The following H2BC4 variants were observed in gnomAD, a reference collection of about 807,000 sequenced individuals.
H2BC4 encodes H2B clustered histone 4.
In H2BC4, 10 loss-of-function variants were observed where a neutral mutation model predicts 6.2. The ratio of observed to expected loss-of-function variants is 1.61; its 90% confidence interval spans 0.99 to 2.73. The LOEUF (loss-of-function observed/expected upper bound fraction) is 2.73. Ranked by LOEUF, H2BC4 falls within the 30% of genes most tolerant of loss-of-function variation. The probability of loss-of-function intolerance (pLI) is 0.00; values close to 1 mark genes in which losing one functional copy is unlikely to be tolerated. For synonymous variants in H2BC4, 146 were observed against 70.7 expected (o/e 2.07, Z -5.35); for missense variants, 176 against 168.7 (o/e 1.04, Z -0.24).
At position 26,115,349 on chromosome 6, in the gene H2BC4, C is replaced by T. The variant is rs113427397; in HGVS notation, c.*10-214G>A. 2.9e-3 allele frequency among the ~76,000 whole-genome samples: 435 copies of T among 152,212 alleles called. 5 individuals carry two copies. Among genetic ancestry groups the T allele is most frequent in the African/African-American group, 1.0e-2 (414 of 41,538 alleles). On this transcript the variant is annotated intron_variant, in intron 1 of 1. Transcript: ENST00000314332. ...GAGATACCTACTGTCATTCTCCCTG[C>T]GTTATAGATGAGGAAATTAAGGCAC...
rs1763558187 is a variant in H2BC4, at chr6:26,123,794, ACT to A, written c.109_110del (p.Ser37LeufsTer31). 2 of 1,613,898 alleles carry A rather than the reference ACT, an allele frequency of 1.2e-6. No individual in the cohort carries two copies. The highest frequency in any genetic ancestry group is 1.7e-6 in the Non-Finnish European group (2 of 1,179,950). On this transcript the variant is annotated frameshift_variant, in exon 1 of 1. Transcript: ENST00000396984. LOFTEE classifies it high-confidence loss of function. ...GKKRKRSRKE[S>X]YSVYVYKVLK... ...GCACCTTGTACACGTACACAGAGTA[ACT>A]CTCCTTGCGGCTGCGCTTGCGCTTC...
At chr6:26,120,170 A>AAGAT (rs1444077893), downstream of H2BC4, among the ~76,000 whole-genome samples, 1 of 152,234 alleles carries the variant, frequency 6.6e-6, no homozygotes, top group African/African-American at 2.4e-5. Context: ...TTCATAAAAT[A>AAGAT]AGATAGTCTT....
At chr6:26,118,045 T>A (rs1351268382) in intron 1 of H2BC4, among the ~76,000 whole-genome samples, 1 of 152,220 alleles carries the variant, frequency 6.6e-6, no homozygotes, top group Non-Finnish European at 1.5e-5. Context: ...CTTCACGATT[T>A]CTGGCACCAG....
Position 26,123,604 on chromosome 6 carries a change from G to A in H2BC4, c.301C>T (p.Leu101=). ...TTGGCCAGCTCTCCGGGAAGCAGCA[G>A]GCGCACGGCCGTCTGGATCTCCCTG... ...TSREIQTAVR[L]LLPGELAKHA... is the part of the protein sequence containing the mutation. The change falls in exon 1 of 1, where the codon CTG becomes TTG. Residue 101 remains leucine, a synonymous_variant. Transcript: ENST00000396984. 1 of 1,614,276 alleles carries A rather than the reference G, an allele frequency of 6.2e-7. No homozygotes were observed. Among genetic ancestry groups the A allele is most frequent in the Non-Finnish European group, 8.5e-7 (1 of 1,180,048 alleles).
Position 26,123,717 on chromosome 6 carries a change from A to G in H2BC4, c.188T>C (p.Met63Thr). The G allele has an allele frequency of 1.2e-6, 2 of 1,614,266 alleles. No individual in the cohort carries two copies. Among genetic ancestry groups the G allele is most frequent in the Non-Finnish European group, 1.7e-6 (2 of 1,180,050 alleles). ...TGISSKAMGI[M>T]NSFVNDIFER... ...AAATATGTCGTTAACGAAAGAATTCATGATGCCCATGGCCTTGGAAGAGAT... is the reference window on the plus strand; with the variant it reads ...AAATATGTCGTTAACGAAAGAATTCGTGATGCCCATGGCCTTGGAAGAGAT... The change falls in exon 1 of 1, where the codon ATG (methionine) becomes ACG (threonine). Residue 63 changes from methionine (M) to threonine (T), a missense_variant. Met to Thr is a moderately conservative substitution (Grantham distance 81). Transcript: ENST00000396984.
At chr6:26,113,195 T>C (rs1403896709), downstream of H2BC4, among the ~76,000 whole-genome samples, 1 of 152,218 alleles carries the variant, frequency 6.6e-6, no homozygotes, top group Non-Finnish European at 1.5e-5. Flanking sequence ...TTTATTTTTC[T>C]CTCTAGGACC....
chr6:26,123,207 G>T (rs1484776008), downstream of H2BC4: 1 of 403,112 alleles, frequency 2.5e-6, no homozygotes, highest in Non-Finnish European at 4.4e-6. Context: ...CAGACAGCTG[G>T]GTCTGAAACC....
downstream of H2BC4, among the ~76,000 whole-genome samples, chr6:26,123,087 T>C (rs1170237018): frequency 6.6e-6 from 1 of 152,190 alleles, no homozygotes; most frequent in Admixed American, 6.5e-5. Context: ...TCAAAACAGC[T>C]TTCCCTCGAT....
chr6:26,118,273 C>G (rs533226728), intron 1 of H2BC4, among the ~76,000 whole-genome samples: 2 of 152,116 alleles, frequency 1.3e-5, no homozygotes, highest in South Asian at 4.1e-4. Context: ...CAAATTGTCT[C>G]CAAGAATTTA....
downstream of H2BC4, among the ~76,000 whole-genome samples, chr6:26,123,083 C>T (rs750921092): frequency 1.3e-5 from 2 of 152,186 alleles, no homozygotes; most frequent in Non-Finnish European, 1.5e-5. Flanking sequence ...AGTCTCAAAA[C>T]AGCTTTCCCT....
chr6:26,115,942 T>C (rs1763412167), intron 1 of H2BC4, among the ~76,000 whole-genome samples: 1 of 151,992 alleles, frequency 6.6e-6, no homozygotes, highest in African/African-American at 2.4e-5. Flanking sequence ...TAGCCTACAG[T>C]TGAGTTTGGG....
chr6:26,114,364 A>G (rs1457797628), downstream of H2BC4, among the ~76,000 whole-genome samples: 1 of 152,198 alleles, frequency 6.6e-6, no homozygotes, highest in African/African-American at 2.4e-5. Context: ...CCTCACTAAT[A>G]GAGTCATTAA....
chr6:26,116,472 C>G (rs1763421644), intron 1 of H2BC4, among the ~76,000 whole-genome samples: 1 of 152,026 alleles, frequency 6.6e-6, no homozygotes, highest in Non-Finnish European at 1.5e-5. Flanking sequence ...GCAGGAGGAT[C>G]ACTTAAGCCC....
downstream of H2BC4, chr6:26,123,217 C>G (rs1763531892): frequency 4.6e-6 from 2 of 433,654 alleles, no homozygotes; most frequent in Non-Finnish European, 8.2e-6. Flanking sequence ...GGTCTGAAAC[C>G]TAAGCGAGCC....
At chr6:26,117,735 T>A (rs528916399) in intron 1 of H2BC4, among the ~76,000 whole-genome samples, 3 of 152,216 alleles carry the variant, frequency 2.0e-5, no homozygotes, top group Non-Finnish European at 4.4e-5. Flanking sequence ...AGCAATGGAC[T>A]GATTTCACTC....
intron 1 of H2BC4, among the ~76,000 whole-genome samples, chr6:26,117,715 A>G (rs957972783): frequency 2.0e-5 from 3 of 152,260 alleles, no homozygotes; most frequent in Non-Finnish European, 4.4e-5. Flanking sequence ...CTTGTGCTCA[A>G]GGTATATCAA....
At chr6:26,120,632 A>T (rs1035594460), downstream of H2BC4, among the ~76,000 whole-genome samples, 9 of 152,226 alleles carry the variant, frequency 5.9e-5, no homozygotes, top group Non-Finnish European at 2.9e-5. Flanking sequence ...ACTGCTGAGA[A>T]TATGAATAAT....
downstream of H2BC4, among the ~76,000 whole-genome samples, chr6:26,123,192 A>AG (rs957704495): frequency 1.3e-5 from 2 of 152,240 alleles, no homozygotes; most frequent in Non-Finnish European, 2.9e-5. Flanking sequence ...CGACGTAGAC[A>AG]GGGACAGACA....
At chr6:26,123,428 A>T (rs189531424), downstream of H2BC4, 440 of 1,555,578 alleles carry the variant, frequency 2.8e-4, 9 homozygotes, top group East Asian at 9.2e-3. Flanking sequence ...GCCGCCAAAT[A>T]AAATTTGGCG....
Sources: gnomAD v4.1 joint callset for allele counts (sites outside exome capture counted in the v4.1 genomes callset) on GRCh38, gnomAD v4.1.1 for gene constraint, MANE v1.5 for transcripts, NCBI Gene and HGNC (gene_info 2026-07-23, HGNC 2026-07-21) for gene names.